The following NTM variants were observed in gnomAD, a reference collection of about 807,000 sequenced individuals.
NTM encodes the protein IgLON family member 2.
A neutral mutation model predicts 42.1 loss-of-function variants in NTM; 13 were observed. The observed-to-expected ratio is 0.31, with a 90% CI of 0.20 to 0.49. The LOEUF is 0.49. NTM is among the 20% of genes least tolerant of loss of function. The probability of loss-of-function intolerance (pLI) is 0.99; values close to 1 mark genes in which losing one functional copy is unlikely to be tolerated. For synonymous variants in NTM, 187 were observed against 179.2 expected (o/e 1.04, Z -0.35); for missense variants, 373 against 452.8 (o/e 0.82, Z 1.60).
chr11:131,891,216 A>C (rs2051279448), intron 1 of NTM, among the ~76,000 whole-genome samples: 1 of 152,226 alleles, frequency 6.6e-6, no homozygotes, highest in South Asian at 2.1e-4. Flanking sequence ...TCAATGTGCT[A>C]TAGGAGACAC....
intron 1 of NTM, among the ~76,000 whole-genome samples, chr11:131,810,007 C>G (rs1049932853): frequency 6.6e-5 from 10 of 152,208 alleles, no homozygotes; most frequent in African/African-American, 2.4e-4. Context: ...AAAACTCCCT[C>G]CAGATGGGGA....
At chr11:131,925,383 C>CTTTTTTTTTTTTTTTTTTTTTTT in intron 2 of NTM, among the ~76,000 whole-genome samples, 1 of 111,452 alleles carries the variant, frequency 9.0e-6, no homozygotes, top group Non-Finnish European at 1.8e-5. Context: ...TTTCTTTTCT[C>CTTTTTTTTTTTTTTTTTTTTTTT]TTTTTTTTTT....
intron 1 of NTM, among the ~76,000 whole-genome samples, chr11:131,388,675 T>C (rs535073454): frequency 4.6e-5 from 7 of 152,010 alleles, no homozygotes; most frequent in African/African-American, 1.7e-4. Flanking sequence ...TTTTAAGATC[T>C]GTATTTGGGG....
intron 4 of NTM, among the ~76,000 whole-genome samples, chr11:132,257,164 A>G (rs2092552088): frequency 1.3e-5 from 2 of 152,352 alleles, no homozygotes; most frequent in South Asian, 4.1e-4. Flanking sequence ...GAGAGAAAGC[A>G]GCGGCTTTTG....
At chr11:131,624,471 C>T (rs1465851968) in intron 1 of NTM, among the ~76,000 whole-genome samples, 2 of 152,140 alleles carry the variant, frequency 1.3e-5, no homozygotes, top group Non-Finnish European at 2.9e-5. Context: ...TCTGTGGCCT[C>T]ATAAGCCAGG....
At chr11:131,783,161 T>A (rs2088494405) in intron 1 of NTM, among the ~76,000 whole-genome samples, 1 of 152,006 alleles carries the variant, frequency 6.6e-6, no homozygotes, top group Admixed American at 6.5e-5. Context: ...TATATAGAAA[T>A]CAAGTTTATT....
At chr11:131,536,503 T>TTA (rs1195199805) in intron 1 of NTM, 5 of 152,200 alleles carry the variant, frequency 3.3e-5, no homozygotes, top group Admixed American at 3.3e-4. Context: ...TTTATTATTT[T>TTA]TATATGAAAG....
intron 2 of NTM, among the ~76,000 whole-genome samples, chr11:132,051,485 A>C (rs557663013): frequency 6.6e-6 from 1 of 152,204 alleles, no homozygotes; most frequent in Non-Finnish European, 1.5e-5. Context: ...AAGTGTCTAC[A>C]GTGACCAGGA....
intron 1 of NTM, among the ~76,000 whole-genome samples, chr11:131,382,340 G>A (rs1452599651): frequency 6.6e-6 from 1 of 152,132 alleles, no homozygotes; most frequent in Non-Finnish European, 1.5e-5. Context: ...ATGCTTGTAG[G>A]TCAAACCACA....
At position 132,335,057 on chromosome 11, in the gene NTM, G is replaced by A. The variant is rs61746413; in HGVS notation, c.979G>A (p.Val327Ile). The A allele has an allele frequency of 0.016, 25,277 of 1,612,202 alleles. 253 individuals carry two copies. The highest frequency in any genetic ancestry group is 0.018 in the Non-Finnish European group (21,393 of 1,179,934). The change falls in exon 9 of 9, where the codon GTC (valine) becomes ATC (isoleucine). Residue 327 changes from valine to isoleucine, a missense_variant. Coordinates refer to ENST00000683400, the MANE Select transcript of NTM (RefSeq NM_001352005.2). Reference sequence around the variant, plus strand: ...TGTTCTCTCCACAGGTCCAGGCGCCGTCAGCGAGGTGAGCAACGGCACGTC... The same window carrying A: ...TGTTCTCTCCACAGGTCCAGGCGCCATCAGCGAGGTGAGCAACGGCACGTC... ...ALTPWKGPGA[V>I]SEVSNGTSRR... is the part of the protein sequence containing the mutation.
intron 1 of NTM, among the ~76,000 whole-genome samples, chr11:131,576,256 C>G (rs2057922924): frequency 6.6e-6 from 1 of 152,184 alleles, no homozygotes; most frequent in South Asian, 2.1e-4. Flanking sequence ...CAACTCTTCT[C>G]CAGCACAGCT....
intron 1 of NTM, among the ~76,000 whole-genome samples, chr11:131,598,178 A>G (rs2059977542): frequency 1.5e-5 from 2 of 129,728 alleles, no homozygotes; most frequent in South Asian, 5.3e-4. Flanking sequence ...ACAGTTTATC[A>G]GAGGTGGGAG....
intron 1 of NTM, among the ~76,000 whole-genome samples, chr11:131,591,297 C>G (rs1280383092): frequency 6.6e-6 from 1 of 152,172 alleles, no homozygotes; most frequent in East Asian, 1.9e-4. Flanking sequence ...CCTGGGGGGC[C>G]CAGATCTGTA....
At chr11:131,437,068 T>G (rs1195419657) in intron 1 of NTM, among the ~76,000 whole-genome samples, 1 of 152,236 alleles carries the variant, frequency 6.6e-6, no homozygotes, top group Non-Finnish European at 1.5e-5. Context: ...GAGCAGGTTG[T>G]TCAGTTTCCA....
At chr11:131,514,315 C>T (rs2048621886) in intron 1 of NTM, among the ~76,000 whole-genome samples, 1 of 152,008 alleles carries the variant, frequency 6.6e-6, no homozygotes, top group Non-Finnish European at 1.5e-5. Flanking sequence ...TTGTAAAATT[C>T]CAAGGAGAAG....
At chr11:131,674,233 A>T (rs1414335477) in intron 1 of NTM, among the ~76,000 whole-genome samples, 1 of 152,264 alleles carries the variant, frequency 6.6e-6, no homozygotes, top group South Asian at 2.1e-4. Flanking sequence ...CACCGCCTAC[A>T]CTGAAACTGG....
intron 4 of NTM, among the ~76,000 whole-genome samples, chr11:132,270,839 A>C (rs2093443624): frequency 6.6e-6 from 1 of 152,124 alleles, no homozygotes; most frequent in African/African-American, 2.4e-5. Flanking sequence ...TGTGTATTAC[A>C]ATTAACTAAT....
intron 7 of NTM, chr11:132,315,033 T>C (rs1014761789): frequency 1.0e-5 from 11 of 1,094,324 alleles, no homozygotes; most frequent in South Asian, 4.5e-5. Flanking sequence ...ATGGAAAAGA[T>C]CCCGAGATAG....
intron 3 of NTM, among the ~76,000 whole-genome samples, chr11:132,190,654 T>G (rs2079155481): frequency 6.6e-6 from 1 of 151,720 alleles, no homozygotes; most frequent in Admixed American, 6.6e-5. Flanking sequence ...GGAGAATCAC[T>G]TGAACCCAGG....
Sources: gnomAD v4.1 joint callset for allele counts (sites outside exome capture counted in the v4.1 genomes callset) on GRCh38, gnomAD v4.1.1 for gene constraint, MANE v1.5 for transcripts, NCBI Gene and HGNC (gene_info 2026-07-23, HGNC 2026-07-21) for gene names.